Variants in MTDH observed in about 807,000 individuals in gnomAD.
MTDH encodes the protein protein LYRIC.
A neutral mutation model predicts 72.7 loss-of-function variants in MTDH; 34 were observed. The ratio of observed to expected loss-of-function variants is 0.47; its 90% CI spans 0.36 to 0.62. The LOEUF is 0.62. MTDH is among the 20% of genes least tolerant of loss of function. The pLI is 0.00. For synonymous variants in MTDH, 266 were observed against 268.9 expected (o/e 0.99, Z 0.10); for missense variants, 677 against 699.4 (o/e 0.97, Z 0.36).
At position 97,707,697 on chromosome 8, in the gene MTDH, A is replaced by T. The variant is rs1202107751; in HGVS notation, c.1272+947A>T. Among the ~76,000 whole-genome samples the T allele has an allele frequency of 5.9e-5, 9 of 151,732 alleles. No homozygotes were observed. In the East Asian group the frequency reaches 1.5e-3, roughly 26 times the overall value. Reference sequence around the variant, plus strand: ...GCTGGGCTGTATTTGTAATTTGCCAACCCCTGTTTTAGCATGTCTGTCAAT... The same window carrying T: ...GCTGGGCTGTATTTGTAATTTGCCATCCCCTGTTTTAGCATGTCTGTCAAT... On this transcript the variant is annotated intron_variant, in intron 8 of 11. Coordinates refer to ENST00000336273, the MANE Select transcript of MTDH (RefSeq NM_178812.4).
chr8:97,649,039 C>A (rs1811668280), intron 1 of MTDH, among the ~76,000 whole-genome samples: 1 of 152,086 alleles, frequency 6.6e-6, no homozygotes, highest in African/African-American at 2.4e-5. Context: ...TATACCTTTT[C>A]TATGTTTAGA....
At chr8:97,686,899 A>T in intron 3 of MTDH, 147 bp downstream of exon 3, 1 of 393,838 alleles carries the variant, frequency 2.5e-6, no homozygotes, top group Non-Finnish European at 4.5e-6. Context: ...GAGCTGTGAC[A>T]CTGTTAGGAA....
At chr8:97,697,150 A>ATATTTTTTTT in intron 6 of MTDH, among the ~76,000 whole-genome samples, 2 of 68,788 alleles carry the variant, frequency 2.9e-5, no homozygotes, top group African/African-American at 9.1e-5. Context: ...ATATATATAT[A>ATATTTTTTTT]TTTTTTTTTT....
chr8:97,679,340 A>G (rs56113905), intron 2 of MTDH, among the ~76,000 whole-genome samples: 23,728 of 152,140 alleles, frequency 0.16, 2,020 homozygotes, highest in East Asian at 0.33. Flanking sequence ...GATGATGATG[A>G]TAATAGTAAT....
intron 1 of MTDH, among the ~76,000 whole-genome samples, chr8:97,647,891 C>G (rs1291267502): frequency 6.6e-6 from 1 of 150,534 alleles, no homozygotes; most frequent in East Asian, 2.0e-4. Context: ...CTGTGATGAG[C>G]TATGATCAGG....
At chr8:97,708,200 A>G (rs899196610) in intron 8 of MTDH, among the ~76,000 whole-genome samples, 2 of 149,122 alleles carry the variant, frequency 1.3e-5, no homozygotes, top group Non-Finnish European at 3.0e-5. Flanking sequence ...CCTGACCTCA[A>G]GTGATCCACC....
At chr8:97,662,054 T>C (rs1457460457) in intron 2 of MTDH, among the ~76,000 whole-genome samples, 1 of 152,204 alleles carries the variant, frequency 6.6e-6, no homozygotes, top group African/African-American at 2.4e-5. Flanking sequence ...TGCTTGGCAT[T>C]AGAACCGACT....
At position 97,728,028 on chromosome 8, in the gene MTDH, G is replaced by A. The variant is rs1047470818; in HGVS notation, c.*3358G>A. 1 of 152,114 alleles carries A rather than the reference G, an allele frequency of 6.6e-6. No individual in the cohort carries two copies. The highest frequency in any genetic ancestry group is 1.5e-5 in the Non-Finnish European group (1 of 68,018). 9.4% of individuals were successfully genotyped at this position (152,114 alleles called of 1,614,324 possible). ...GGTTTATATTTGCATTAAAGATACT[G>A]GAGGGCAATATTTACAGAGTTTAGT... On this transcript the variant is annotated 3_prime_UTR_variant, in exon 12 of 12. Coordinates refer to ENST00000336273, the MANE Select transcript of MTDH (RefSeq NM_178812.4).
Position 97,719,262 on chromosome 8 carries a change from A to G in MTDH, c.1521+73A>G, listed in dbSNP as rs896201225. On this transcript the variant is annotated intron_variant, in intron 10 of 11. Coordinates refer to ENST00000336273, the MANE Select transcript of MTDH (RefSeq NM_178812.4). The stretch of plus-strand genomic sequence containing the variant: ...GTAATCCCAGCACTTTGAGAGGCCA[A>G]GGTGGGCAGGTCATGAGGTCAGGAG... 18 of 1,490,284 alleles carry G rather than the reference A, an allele frequency of 1.2e-5. No homozygotes were observed. In the African/African-American group the frequency reaches 1.3e-4, roughly 10 times the overall value. The allele number at this position is 1,490,284 out of a possible 1,614,324, so 92.3% of individuals were successfully genotyped here.
chr8:97,680,049 A>G (rs928144116), intron 2 of MTDH, among the ~76,000 whole-genome samples: 1 of 152,106 alleles, frequency 6.6e-6, no homozygotes, highest in Non-Finnish European at 1.5e-5. Flanking sequence ...ATGATTATTT[A>G]TCAAAGCCTT....
chr8:97,711,048 C>T (rs193142506), intron 8 of MTDH, among the ~76,000 whole-genome samples: 3 of 152,090 alleles, frequency 2.0e-5, no homozygotes, highest in Admixed American at 6.6e-5. Flanking sequence ...ATTGGCATGG[C>T]CTCTGCATCA....
intron 1 of MTDH, among the ~76,000 whole-genome samples, chr8:97,656,512 A>C (rs1811983007): frequency 6.6e-6 from 1 of 151,410 alleles, no homozygotes; most frequent in Admixed American, 6.6e-5. Flanking sequence ...CATGTTGGCC[A>C]GGATGGTCTC....
chr8:97,724,540 C>A, intron 11 of MTDH, 60 bp from the exon 12 acceptor site: 1 of 1,115,904 alleles, frequency 9.0e-7, no homozygotes, highest in Non-Finnish European at 1.3e-6. Flanking sequence ...ATTATTGAGA[C>A]GTAACAGTAT....
At chr8:97,716,435 A>G (rs1416843180) in intron 9 of MTDH, among the ~76,000 whole-genome samples, 1 of 151,806 alleles carries the variant, frequency 6.6e-6, no homozygotes, top group African/African-American at 2.4e-5. Flanking sequence ...TCATGCCTGT[A>G]ATCCCAGCAC....
chr8:97,689,177 A>C, intron 5 of MTDH, 74 bp downstream of exon 5: 1 of 753,704 alleles, frequency 1.3e-6, no homozygotes, highest in Non-Finnish European at 2.2e-6. Context: ...TCTTTCCTCA[A>C]ATGAATGACA....
chr8:97,669,200 G>A (rs1318175723), intron 2 of MTDH, among the ~76,000 whole-genome samples: 1 of 152,018 alleles, frequency 6.6e-6, no homozygotes, highest in Non-Finnish European at 1.5e-5. Context: ...TCAAGCTGGA[G>A]TACAGTGGCA....
At chr8:97,659,677 T>C (rs747501609) in intron 1 of MTDH, among the ~76,000 whole-genome samples, 2 of 152,206 alleles carry the variant, frequency 1.3e-5, no homozygotes, top group Non-Finnish European at 2.9e-5. Context: ...GATAAAAGTG[T>C]GTTCTGTAAG....
rs1400313470 is a variant in MTDH at position 97,689,125 on chromosome 8, T to G, written c.811+22T>G. 4 of 1,459,986 alleles carry G rather than the reference T, an allele frequency of 2.7e-6. No homozygotes were observed. The Admixed American group carries it at 7.2e-5, about 26-fold the overall frequency. The allele number at this position is 1,459,986 out of a possible 1,614,324, so 90.4% of individuals were successfully genotyped here. A position where few individuals can be genotyped will look rare whatever the true frequency, so the allele number is the denominator to read the frequency against. On this transcript the variant is annotated intron_variant, in intron 5 of 11. Transcript: ENST00000336273. ...CAGGGTGAGAGAAATTACATGTAACTTAAATTGAAGGCCCATCAAAATAGA... is the reference window on the plus strand; with the variant it reads ...CAGGGTGAGAGAAATTACATGTAACGTAAATTGAAGGCCCATCAAAATAGA...
At chr8:97,682,249 TATATATATATATATATATATA>T (rs1813137962) in intron 2 of MTDH, among the ~76,000 whole-genome samples, 10 of 5,940 alleles carry the variant, frequency 1.7e-3, no homozygotes, top group East Asian at 0.013. Context: ...TATATATATA[TATATATATATATATATATATA>T]TATATATATA....
Sources: gnomAD v4.1 joint callset for allele counts (sites outside exome capture counted in the v4.1 genomes callset) on GRCh38, gnomAD v4.1.1 for gene constraint, MANE v1.5 for transcripts, NCBI Gene and HGNC (gene_info 2026-07-23, HGNC 2026-07-21) for gene names.